The following RCOR1 variants were observed in gnomAD, a reference collection of about 807,000 sequenced individuals.
RCOR1 encodes REST corepressor.
RCOR1 carries 12 observed loss-of-function variants against 64.0 expected under a neutral mutation model. The observed-to-expected ratio is 0.19, with a 90% CI of 0.12 to 0.30. The LOEUF (loss-of-function observed/expected upper bound fraction) is 0.30, where lower values mean the gene tolerates loss of function less well. Among genes scored for constraint, RCOR1 ranks in the 10% least tolerant of loss-of-function variants. The probability of loss-of-function intolerance (pLI) is 1.00; values close to 1 mark genes in which losing one functional copy is unlikely to be tolerated. For missense variants in RCOR1, 502 were observed against 621.2 expected (o/e 0.81, Z 2.04); for synonymous variants, 279 against 227.2 (o/e 1.23, Z -2.05).
chr14:102,593,340 CG>C lies in RCOR1; in HGVS notation c.361+17del. The C allele has an allele frequency of 6.5e-7, 1 of 1,526,922 alleles. No individual in the cohort carries two copies. Among genetic ancestry groups the C allele is most frequent in the Non-Finnish European group, 8.7e-7 (1 of 1,145,402 alleles). The allele number at this position is 1,526,922 out of a possible 1,614,324, so 94.6% of individuals were successfully genotyped here. A position where few individuals can be genotyped will look rare whatever the true frequency, so the allele number is the denominator to read the frequency against. ...CTTCGACCCCGGTGAGTAGCGGCCC[CG>C]GCCGGCCGGCGGCGGGGATGAGCGG... On this transcript the variant is annotated intron_variant, in intron 2 of 11. Coordinates refer to ENST00000262241, the MANE Select transcript of RCOR1 (RefSeq NM_015156.4).
At position 102,592,671 on chromosome 14, in the gene RCOR1, C is replaced by T; in HGVS notation, c.-216C>T. ...GTTGGTGCCAGTGAAGTGAGGGCGG[C>T]GATGAGAGCGAAAGTTGCGCTCGGC... On this transcript the variant is annotated 5_prime_UTR_variant, in exon 1 of 12. Coordinates refer to ENST00000262241, the MANE Select transcript of RCOR1 (RefSeq NM_015156.4). The T allele has an allele frequency of 4.1e-6, 5 of 1,227,858 alleles. No homozygotes were observed. The highest frequency in any genetic ancestry group is 4.2e-5 in the Admixed American group (1 of 23,542). 76.1% of individuals were successfully genotyped at this position (1,227,858 alleles called of 1,614,324 possible).
chr14:102,714,243 C>T (rs1309323470), intron 7 of RCOR1, among the ~76,000 whole-genome samples, 180 bp from the exon 8 acceptor site: 2 of 152,126 alleles, frequency 1.3e-5, no homozygotes, highest in Non-Finnish European at 2.9e-5. Flanking sequence ...TTAGTCAAAA[C>T]TCAGTAGCCC....
chr14:102,655,184 CA>C (rs1372410561), intron 2 of RCOR1: 37 of 773,454 alleles, frequency 4.8e-5, no homozygotes, highest in Non-Finnish European at 5.7e-5. Context: ...GCATATGGTA[CA>C]AAATTAAAAG....
intron 2 of RCOR1, among the ~76,000 whole-genome samples, chr14:102,609,627 G>A (rs900390264): frequency 6.7e-6 from 1 of 150,126 alleles, no homozygotes. Context: ...GTATTTTTTA[G>A]TAGAGACAGG....
At chr14:102,628,847 C>T (rs1428058192) in intron 2 of RCOR1, among the ~76,000 whole-genome samples, 1 of 151,928 alleles carries the variant, frequency 6.6e-6, no homozygotes, top group African/African-American at 2.4e-5. Flanking sequence ...AGGCACCACG[C>T]TCGGCCTCCC....
At chr14:102,601,619 G>A (rs986780773) in intron 2 of RCOR1, among the ~76,000 whole-genome samples, 3 of 152,222 alleles carry the variant, frequency 2.0e-5, no homozygotes, top group Admixed American at 1.3e-4. Flanking sequence ...AAACTGCAGT[G>A]CAGCTTGCAG....
intron 3 of RCOR1, among the ~76,000 whole-genome samples, chr14:102,694,304 T>A (rs181681862): frequency 2.6e-5 from 4 of 152,306 alleles, no homozygotes; most frequent in Non-Finnish European, 5.9e-5. Context: ...TTGCCCAGGC[T>A]GGAGTGCAGT....
chr14:102,609,870 T>G (rs1433456053), intron 2 of RCOR1, among the ~76,000 whole-genome samples: 2 of 151,690 alleles, frequency 1.3e-5, no homozygotes, highest in African/African-American at 4.8e-5. Flanking sequence ...CCGGGTGCAG[T>G]GGCTCACCCC....
At chr14:102,713,640 G>T (rs1896005423) in intron 7 of RCOR1, among the ~76,000 whole-genome samples, 1 of 152,166 alleles carries the variant, frequency 6.6e-6, no homozygotes, top group Non-Finnish European at 1.5e-5. Context: ...TAGTCAGTTG[G>T]TGATCTTTAT....
At chr14:102,696,246 A>G (rs1895647172) in intron 3 of RCOR1, among the ~76,000 whole-genome samples, 1 of 152,104 alleles carries the variant, frequency 6.6e-6, no homozygotes, top group African/African-American at 2.4e-5. Flanking sequence ...TATTTAATAC[A>G]GTGCTTTGTT....
At chr14:102,725,711 G>A (rs1405934818) in intron 11 of RCOR1, among the ~76,000 whole-genome samples, 2 of 152,114 alleles carry the variant, frequency 1.3e-5, no homozygotes, top group Non-Finnish European at 2.9e-5. Flanking sequence ...AAGTAGCTGG[G>A]ACTACAGGTG....
At chr14:102,689,102 A>AGCAGCTGAACGTTAACAAAGTGG (rs1245142570) in intron 3 of RCOR1, among the ~76,000 whole-genome samples, 1 of 152,198 alleles carries the variant, frequency 6.6e-6, no homozygotes. Context: ...TGTTTAGAGA[A>AGCAGCTGAACGTTAACAAAGTGG]GCAGCTGAAC....
intron 10 of RCOR1, chr14:102,721,587 G>C (rs938966910): frequency 8.1e-6 from 3 of 372,218 alleles, no homozygotes; most frequent in African/African-American, 6.3e-5. Flanking sequence ...GGAAAAAAAA[G>C]AGCTTAGGAG....
chr14:102,615,128 G>GCCCC (rs11382616), intron 2 of RCOR1, among the ~76,000 whole-genome samples: 33 of 132,462 alleles, frequency 2.5e-4, no homozygotes, highest in African/African-American at 3.5e-4. Context: ...ATAGTGCCCG[G>GCCCC]CCCCCCCGCC....
At chr14:102,670,477 T>C (rs1895009967) in intron 2 of RCOR1, among the ~76,000 whole-genome samples, 1 of 152,100 alleles carries the variant, frequency 6.6e-6, no homozygotes, top group South Asian at 2.1e-4. Context: ...TGAATGTGAA[T>C]GTAATGACCC....
At chr14:102,684,408 A>G (rs1202835615) in intron 3 of RCOR1, among the ~76,000 whole-genome samples, 5 of 152,210 alleles carry the variant, frequency 3.3e-5, no homozygotes, top group Non-Finnish European at 7.3e-5. Flanking sequence ...CTTAGATGGC[A>G]TAAAAAAGGA....
intron 2 of RCOR1, chr14:102,630,038 C>CTA: frequency 7.3e-6 from 7 of 959,760 alleles, no homozygotes; most frequent in Non-Finnish European, 8.7e-6. Flanking sequence ...TTAACCACTG[C>CTA]TATAGTTTGG....
At chr14:102,639,495 ATT>A (rs1188399404) in intron 2 of RCOR1, among the ~76,000 whole-genome samples, 1 of 134,538 alleles carries the variant, frequency 7.4e-6, no homozygotes, top group African/African-American at 2.7e-5. Context: ...TTATTTTTTA[ATT>A]TTTATTTATT....
At chr14:102,604,075 C>A (rs1893455262) in intron 2 of RCOR1, among the ~76,000 whole-genome samples, 2 of 151,970 alleles carry the variant, frequency 1.3e-5, no homozygotes, top group Admixed American at 1.3e-4. Context: ...TTGGTGTATA[C>A]CCCTGATTTC....
Sources: allele counts gnomAD v4.1 joint callset (sites outside exome capture counted in the v4.1 genomes callset), GRCh38; gene constraint gnomAD v4.1.1; transcripts MANE v1.5; gene names NCBI Gene and HGNC (gene_info 2026-07-23, HGNC 2026-07-21).